Variants in UTRN observed in about 807,000 individuals in gnomAD.
UTRN encodes dystrophin-related protein 1.
Under a neutral mutation model 463.9 loss-of-function variants are expected in UTRN, and 283 were observed. The observed-to-expected ratio is 0.61, with a 90% CI of 0.55 to 0.67. The LOEUF is 0.67. Among genes scored for constraint, UTRN ranks in the 30% least tolerant of loss-of-function variants. The pLI, the probability that UTRN is intolerant of heterozygous loss-of-function variation, is 0.00. For synonymous variants in UTRN, 1,442 were observed against 1,431.5 expected (o/e 1.01, Z -0.17); for missense variants, 3,922 against 4,084.3 (o/e 0.96, Z 1.08).
At chr6:144,756,986 T>C (rs932358202) in intron 57 of UTRN, among the ~76,000 whole-genome samples, 6 of 152,050 alleles carry the variant, frequency 3.9e-5, no homozygotes, top group African/African-American at 1.4e-4. Context: ...GAATGCTGAA[T>C]AGTTGTAAGA....
chr6:144,820,876 T>C lies in UTRN; in HGVS notation c.9358-6T>C. The stretch of plus-strand genomic sequence containing the variant: ...GAGAGAAGTGTAATTGTTTTCAACC[T>C]TATAGACAACATCTGGGGAAGATGT... On this transcript the variant is annotated splice_polypyrimidine_tract_variant and splice_region_variant and intron_variant, in intron 65 of 74. Coordinates refer to ENST00000367545, the MANE Select transcript of UTRN (RefSeq NM_007124.3). 1.9e-6 allele frequency: 3 copies of C among 1,612,266 alleles called. No individual in the cohort carries two copies. The highest frequency in any genetic ancestry group is 2.5e-6 in the Non-Finnish European group (3 of 1,179,278).
At chr6:144,713,102 G>A (rs1026349827) in intron 53 of UTRN, among the ~76,000 whole-genome samples, 1 of 152,002 alleles carries the variant, frequency 6.6e-6, no homozygotes, top group Admixed American at 6.6e-5. Flanking sequence ...TCATATTTTC[G>A]AATATTTGCA....
intron 51 of UTRN, among the ~76,000 whole-genome samples, chr6:144,652,526 G>T (rs1320086727): frequency 6.6e-6 from 1 of 152,178 alleles, no homozygotes; most frequent in African/African-American, 2.4e-5. Context: ...GAAAGATAAA[G>T]CGATGCTTCA....
chr6:144,632,510 T>C (rs1776632454), intron 51 of UTRN, among the ~76,000 whole-genome samples: 1 of 152,134 alleles, frequency 6.6e-6, no homozygotes, highest in Non-Finnish European at 1.5e-5. Context: ...CAAACATGAC[T>C]CAGACCTTTA....
intron 50 of UTRN, among the ~76,000 whole-genome samples, chr6:144,566,158 T>C (rs1433950670): frequency 6.6e-6 from 1 of 152,084 alleles, no homozygotes. Flanking sequence ...AACTAGACCA[T>C]TAGTGGTGGA....
chr6:144,693,001 A>AG, intron 52 of UTRN, among the ~76,000 whole-genome samples: 1 of 148,626 alleles, frequency 6.7e-6, no homozygotes, highest in Middle Eastern at 3.5e-3. Context: ...GTTGTCTTTC[A>AG]GGGTTTTTTT....
chr6:144,754,914 G>T, intron 57 of UTRN, 116 bp downstream of exon 57: 1 of 921,904 alleles, frequency 1.1e-6, no homozygotes, highest in Non-Finnish European at 1.6e-6. Flanking sequence ...ATAGATCCTT[G>T]TAAGGAGGTA....
In UTRN at chr6:144,644,277, A is replaced by G. The variant is rs189640928; in HGVS notation, c.7480-34129A>G. 2.5e-4 allele frequency among the ~76,000 whole-genome samples: 38 copies of G among 152,328 alleles called. No homozygotes were observed. In the East Asian group the frequency reaches 6.6e-3, roughly 26 times the overall value. On this transcript the variant is annotated intron_variant, in intron 51 of 74. Transcript: ENST00000367545. The stretch of plus-strand genomic sequence containing the variant: ...TCTCCCTGATTTGTTCAAATGGCTG[A>G]TGCTTACATGTCATTTTGGATCCAG...
At chr6:144,769,065 C>A (rs896041763) in intron 58 of UTRN, among the ~76,000 whole-genome samples, 14 of 150,744 alleles carry the variant, frequency 9.3e-5, no homozygotes, top group Non-Finnish European at 2.1e-4. Flanking sequence ...GCTTATCAAG[C>A]TGCACAATAT....
At chr6:144,742,790 CT>C (rs1202599018) in intron 54 of UTRN, among the ~76,000 whole-genome samples, 1 of 152,176 alleles carries the variant, frequency 6.6e-6, no homozygotes, top group African/African-American at 2.4e-5. Context: ...ATCTCCTAAT[CT>C]TTTCTTCTAC....
At chr6:144,289,889 G>A (rs1449873759) in intron 1 of UTRN, among the ~76,000 whole-genome samples, 1 of 150,822 alleles carries the variant, frequency 6.6e-6, no homozygotes, top group Non-Finnish European at 1.5e-5. Flanking sequence ...CCTGAACTCA[G>A]GTGATGCACC....
rs755220056 is a variant in UTRN at position 144,429,780 on chromosome 6, A to G, written c.855+39A>G. 3.1e-6 allele frequency: 5 copies of G among 1,592,238 alleles called. No homozygotes were observed. The East Asian group carries it at 6.7e-5, about 21-fold the overall frequency. ...TTTATTAAGATGTTTGGCTTGCCGT[A>G]TTTGTTTTCTCCTAGGTACTAGATA... On this transcript the variant is annotated intron_variant, in intron 9 of 74. Coordinates refer to ENST00000367545, the MANE Select transcript of UTRN (RefSeq NM_007124.3).
chr6:144,717,031 C>T (rs1309472647), intron 53 of UTRN, among the ~76,000 whole-genome samples: 1 of 152,210 alleles, frequency 6.6e-6, no homozygotes, highest in Non-Finnish European at 1.5e-5. Flanking sequence ...TCCTGTTTCA[C>T]ACAATATGAC....
chr6:144,293,229 T>A (rs886552420), intron 2 of UTRN, among the ~76,000 whole-genome samples: 2 of 152,170 alleles, frequency 1.3e-5, no homozygotes, highest in African/African-American at 4.8e-5. Flanking sequence ...CGATTTAATG[T>A]CTCCATACTA....
Position 144,523,028 on chromosome 6 carries a change from C to T in UTRN, c.5746C>T (p.Gln1916Ter). The stretch of plus-strand genomic sequence containing the variant: ...AATATATTTTTAGAATATCAAAGAC[C>T]AACTGGACAAACTTGGAGAGCAGAT... ...QEDSLKNIKD[Q>*]LDKLGEQIAV... The change falls in exon 41 of 75, where the codon CAA (glutamine) becomes TAA (stop). Residue 1916 changes from glutamine to a stop codon, truncating the protein, a stop_gained. Transcript: ENST00000367545. LOFTEE classifies it high-confidence loss of function. 6.3e-7 allele frequency: 1 copy of T among 1,598,424 alleles called. No homozygotes were observed. Among genetic ancestry groups the T allele is most frequent in the South Asian group, 1.1e-5 (1 of 87,650 alleles).
At chr6:144,304,994 C>T (rs1460501316) in intron 2 of UTRN, among the ~76,000 whole-genome samples, 4 of 150,758 alleles carry the variant, frequency 2.7e-5, no homozygotes, top group Non-Finnish European at 4.4e-5. Context: ...TGCAATGGCG[C>T]GATCTCGGCT....
At position 144,639,779 on chromosome 6, in the gene UTRN, G is replaced by A. The variant is rs140193073; in HGVS notation, c.7480-38627G>A. Among the ~76,000 whole-genome samples, 748 of 152,080 alleles carry A rather than the reference G, an allele frequency of 4.9e-3. 4 individuals are homozygous for A. The highest frequency in any genetic ancestry group is 0.01 in the Middle Eastern group (3 of 294). On this transcript the variant is annotated intron_variant, in intron 51 of 74. Coordinates refer to ENST00000367545, the MANE Select transcript of UTRN (RefSeq NM_007124.3). ...AGGTGATCTGTGTTGTGTTAGGGCT[G>A]TCTGTGCCATGTTGCTGTGGGAGTT...
chr6:144,758,516 T>A (rs1415987987), intron 58 of UTRN, among the ~76,000 whole-genome samples: 1 of 152,160 alleles, frequency 6.6e-6, no homozygotes, highest in Non-Finnish European at 1.5e-5. Flanking sequence ...TTCTTTGTCT[T>A]ATAGAAGTTA....
At chr6:144,597,460 G>C (rs1264037667) in intron 51 of UTRN, among the ~76,000 whole-genome samples, 1 of 152,080 alleles carries the variant, frequency 6.6e-6, no homozygotes, top group African/African-American at 2.4e-5. Context: ...AATTCCTGTA[G>C]AGATGAGCAA....
Sources: allele counts gnomAD v4.1 joint callset (sites outside exome capture counted in the v4.1 genomes callset), GRCh38; gene constraint gnomAD v4.1.1; transcripts MANE v1.5; gene names NCBI Gene and HGNC (gene_info 2026-07-23, HGNC 2026-07-21).